The following HPGD variants were observed in gnomAD, a reference collection of about 807,000 sequenced individuals.
HPGD encodes the protein 15-hydroxyprostaglandin dehydrogenase [NAD(+)].
HPGD carries 29 observed loss-of-function variants against 30.0 expected under a neutral mutation model. The ratio of observed to expected loss-of-function variants is 0.97; its 90% CI spans 0.72 to 1.32. The LOEUF (loss-of-function observed/expected upper bound fraction) is 1.32, where lower values mean the gene tolerates loss of function less well. Among genes scored for constraint, HPGD ranks in the 40% most tolerant of loss-of-function variants. HPGD has a pLI of 0.00. For missense variants in HPGD, 340 were observed against 322.1 expected, an observed-to-expected ratio of 1.06 and a Z score of -0.43; for synonymous variants, 99 against 112.4, an observed-to-expected ratio of 0.88 and a Z score of 0.75.
At chr4:174,497,736 C>T (rs1255606453) in intron 4 of HPGD, among the ~76,000 whole-genome samples, 1 of 151,314 alleles carries the variant, frequency 6.6e-6, no homozygotes, top group Non-Finnish European at 1.5e-5. Context: ...CGCCACGGTG[C>T]CCAGCTAATT....
At chr4:174,493,436 T>TGGG in intron 5 of HPGD, 122 bp from the exon 6 acceptor site, 1 of 860,874 alleles carries the variant, frequency 1.2e-6, no homozygotes, top group Non-Finnish European at 1.9e-6. Flanking sequence ...TCCTCCCAGC[T>TGGG]ATGTAACAAT....
intron 4 of HPGD, among the ~76,000 whole-genome samples, chr4:174,506,579 T>G (rs1735202054): frequency 6.6e-6 from 1 of 152,258 alleles, no homozygotes; most frequent in African/African-American, 2.4e-5. Flanking sequence ...TTCTCCTGCC[T>G]TAGTTTCCTC....
intron 2 of HPGD, among the ~76,000 whole-genome samples, chr4:174,520,186 T>C (rs1736029178): frequency 1.3e-5 from 2 of 152,184 alleles, no homozygotes; most frequent in Non-Finnish European, 2.9e-5. Flanking sequence ...CCGTATTCCT[T>C]ATACTCTGCC....
rs1294240752 is a variant in HPGD, at chr4:174,492,813, T to C, written c.662+338A>G. Reference sequence around the variant, plus strand: ...TTTCTTATAAAAGTGGTTGAAGTCATGGAAACTTGCAATATTTCACAGACT... The same window carrying C: ...TTTCTTATAAAAGTGGTTGAAGTCACGGAAACTTGCAATATTTCACAGACT... On this transcript the variant is annotated intron_variant, in intron 6 of 6. Coordinates refer to ENST00000296522, the MANE Select transcript of HPGD (RefSeq NM_000860.6). The surrounding 1 kb of genome is among the most constrained non-coding windows in gnomAD (Gnocchi z 4.9). Among the ~76,000 whole-genome samples, 2 of 152,096 alleles carry C rather than the reference T, an allele frequency of 1.3e-5. No homozygotes were observed. Among genetic ancestry groups the C allele is most frequent in the African/African-American group, 4.8e-5 (2 of 41,448 alleles).
intron 3 of HPGD, among the ~76,000 whole-genome samples, chr4:174,514,279 C>T (rs1351574135): frequency 2.0e-5 from 3 of 152,052 alleles, no homozygotes; most frequent in Non-Finnish European, 2.9e-5. Context: ...TGTCTCAACT[C>T]AGGAAAATCA....
Position 174,521,931 on chromosome 4 carries a change from T to G in HPGD, c.217+13A>C. On this transcript the variant is annotated intron_variant, in intron 2 of 6. Coordinates refer to ENST00000296522, the MANE Select transcript of HPGD (RefSeq NM_000860.6). ...GCACGTTCCCAGTTGACAGATTGAT[T>G]CCCCTGTCTTACCTCTCAGTTGTTG... 6.2e-7 allele frequency: 1 copy of G among 1,614,014 alleles called. No homozygotes were observed. The highest frequency in any genetic ancestry group is 8.5e-7 in the Non-Finnish European group (1 of 1,179,954).
At chr4:174,522,541 A>C (rs1192200023), upstream of HPGD, 2 of 957,892 alleles carry the variant, frequency 2.1e-6, no homozygotes, top group South Asian at 3.9e-5. Context: ...GCGCGCGTGC[A>C]GCCCGGCGGG....
rs201145414 is a variant in HPGD, at chr4:174,521,909, C to T, written c.217+35G>A. Reference sequence around the variant, plus strand: ...TTCAGGTTGTTGCTTGTTGAGAGCACGTTCCCAGTTGACAGATTGATTCCC... The same window carrying T: ...TTCAGGTTGTTGCTTGTTGAGAGCATGTTCCCAGTTGACAGATTGATTCCC... On this transcript the variant is annotated intron_variant, in intron 2 of 6. Transcript: ENST00000296522. 8 of 1,613,354 alleles carry T rather than the reference C, an allele frequency of 5.0e-6. No homozygotes were observed. In the Admixed American group the frequency reaches 1.0e-4, roughly 20 times the overall value.
intron 3 of HPGD, among the ~76,000 whole-genome samples, chr4:174,512,296 T>A (rs1023523942): frequency 6.6e-6 from 1 of 152,194 alleles, no homozygotes; most frequent in Non-Finnish European, 1.5e-5. Context: ...GTTTTCTGCC[T>A]TGAAAGAACT....
intron 4 of HPGD, chr4:174,507,862 G>A: frequency 2.2e-6 from 1 of 452,034 alleles, no homozygotes; most frequent in East Asian, 3.2e-5. Flanking sequence ...GTTTAGGATT[G>A]CATGCTGTGG....
At chr4:174,519,781 ACT>A (rs1735986846) in intron 2 of HPGD, among the ~76,000 whole-genome samples, 1 of 151,228 alleles carries the variant, frequency 6.6e-6, no homozygotes, top group South Asian at 2.1e-4. Flanking sequence ...CCCTTTGCTG[ACT>A]CTCTTTTCCG....
intron 2 of HPGD, among the ~76,000 whole-genome samples, chr4:174,519,320 TCTC>T (rs2110877449): frequency 6.6e-6 from 1 of 151,854 alleles, no homozygotes; most frequent in South Asian, 2.1e-4. Flanking sequence ...TTCACGCCAT[TCTC>T]CTGCCTCAGC....
At chr4:174,513,003 T>G (rs1034270973) in intron 3 of HPGD, among the ~76,000 whole-genome samples, 1 of 152,228 alleles carries the variant, frequency 6.6e-6, no homozygotes, top group Non-Finnish European at 1.5e-5. Context: ...AGTCGAATTC[T>G]GTAACTTCGT....
chr4:174,495,017 A>C (rs1331935290), intron 5 of HPGD, among the ~76,000 whole-genome samples: 2 of 152,164 alleles, frequency 1.3e-5, no homozygotes, highest in Non-Finnish European at 2.9e-5. Flanking sequence ...AAAGGCAGGC[A>C]TTCTCACCTC....
intron 3 of HPGD, among the ~76,000 whole-genome samples, chr4:174,516,619 G>A (rs182814784): frequency 6.6e-6 from 1 of 152,078 alleles, no homozygotes; most frequent in Admixed American, 6.5e-5. Flanking sequence ...ATCTGCACAT[G>A]TACACCCTGA....
intron 5 of HPGD, 138 bp from the exon 6 acceptor site, chr4:174,493,452 G>A: frequency 1.3e-6 from 1 of 742,258 alleles, no homozygotes. Context: ...ACAATGACTG[G>A]TAAATAGATA....
intron 3 of HPGD, among the ~76,000 whole-genome samples, chr4:174,511,814 A>C (rs1017370429): frequency 7.9e-5 from 12 of 151,900 alleles, no homozygotes; most frequent in Non-Finnish European, 1.8e-4. Context: ...GCCCGGCTAA[A>C]TTTTTGTATT....
intron 2 of HPGD, among the ~76,000 whole-genome samples, chr4:174,520,159 C>A (rs542614693): frequency 6.6e-6 from 1 of 152,154 alleles, no homozygotes; most frequent in African/African-American, 2.4e-5. Flanking sequence ...AATTTTCTTT[C>A]CTCATTCTGT....
intron 2 of HPGD, among the ~76,000 whole-genome samples, chr4:174,520,055 T>C (rs960325080): frequency 3.3e-5 from 5 of 152,172 alleles, no homozygotes; most frequent in Non-Finnish European, 7.3e-5. Context: ...CTCCTTCCAT[T>C]CTGAGTATGT....
Sources: allele counts gnomAD v4.1 joint callset (sites outside exome capture counted in the v4.1 genomes callset), GRCh38; gene constraint gnomAD v4.1.1; non-coding constraint Gnocchi (gnomAD v3.1); transcripts MANE v1.5; gene names NCBI Gene and HGNC (gene_info 2026-07-23, HGNC 2026-07-21).